Variants in NUTM2B observed in about 807,000 individuals in gnomAD.
NUTM2B encodes the protein NUT family member 2B.
In NUTM2B, 2 loss-of-function variants were observed where a neutral mutation model predicts 42.4. That is an observed-to-expected ratio of 0.05 (90% CI 0.02 to 0.15). The LOEUF is 0.15. NUTM2B is among the 10% of genes least tolerant of loss of function. The pLI, the probability that NUTM2B is intolerant of heterozygous loss-of-function variation, is 1.00. For synonymous variants in NUTM2B, 18 were observed against 402.4 expected (o/e 0.04, Z 11.43); for missense variants, 58 against 952.6 (o/e 0.06, Z 12.36).
upstream of NUTM2B, among the ~76,000 whole-genome samples, chr10:79,701,340 T>G (rs193198956): frequency 3.5e-3 from 529 of 152,126 alleles, 1 homozygote; most frequent in Admixed American, 6.5e-3. Context: ...AAGCAGCAGA[T>G]AGTAAGGGAA....
At chr10:79,696,072 C>T in the NUTM2B span, among the ~76,000 whole-genome samples, 2 of 147,106 alleles carry the variant, frequency 1.4e-5, no homozygotes, top group African/African-American at 5.0e-5. Context: ...ACATAGAATC[C>T]CCAGAATACA....
At chr10:79,701,429 A>T (rs1386294367), upstream of NUTM2B, among the ~76,000 whole-genome samples, 1 of 152,020 alleles carries the variant, frequency 6.6e-6, no homozygotes, top group African/African-American at 2.4e-5. Flanking sequence ...TAGAGAAGCA[A>T]CTCACTGACT....
upstream of NUTM2B, among the ~76,000 whole-genome samples, chr10:79,700,364 C>T (rs1840292528): frequency 6.6e-6 from 1 of 152,256 alleles, no homozygotes; most frequent in African/African-American, 2.4e-5. Context: ...TTTCTTCAAG[C>T]TTTTGCATTG....
chr10:79,700,670 C>A (rs1032029019), upstream of NUTM2B, among the ~76,000 whole-genome samples: 1 of 152,050 alleles, frequency 6.6e-6, no homozygotes, highest in Non-Finnish European at 1.5e-5. Context: ...AAGAAGGACG[C>A]CATGAGAGCG....
At chr10:79,696,514 T>C in the NUTM2B span, among the ~76,000 whole-genome samples, 9 of 151,018 alleles carry the variant, frequency 6.0e-5, no homozygotes, top group African/African-American at 2.2e-4. Context: ...ACAACTGAGA[T>C]AGGATAGGGT....
chr10:79,694,665 C>A, the NUTM2B span, among the ~76,000 whole-genome samples: 1 of 152,144 alleles, frequency 6.6e-6, no homozygotes, highest in Admixed American at 6.5e-5. Flanking sequence ...CCTGCAGGGC[C>A]AGCACCCAAC....
chr10:79,701,509 C>T (rs1372910296), upstream of NUTM2B, among the ~76,000 whole-genome samples: 2 of 151,984 alleles, frequency 1.3e-5, no homozygotes, highest in East Asian at 1.9e-4. Context: ...GGATTCCTAT[C>T]ATCTGTCTCC....
the NUTM2B span, among the ~76,000 whole-genome samples, chr10:79,696,650 G>A: frequency 5.9e-5 from 9 of 152,246 alleles, no homozygotes; most frequent in South Asian, 2.1e-4. Flanking sequence ...CCCCAAATTC[G>A]CACAAGTGCG....
chr10:79,700,839 C>T (rs1337196499), upstream of NUTM2B, among the ~76,000 whole-genome samples: 7 of 152,306 alleles, frequency 4.6e-5, no homozygotes, highest in African/African-American at 1.2e-4. Flanking sequence ...GCCAGGAGCC[C>T]GCCCTAGGAG....
chr10:79,702,400 T>C (rs1589261404), upstream of NUTM2B, among the ~76,000 whole-genome samples: 2 of 149,476 alleles, frequency 1.3e-5, no homozygotes, highest in African/African-American at 4.9e-5. Flanking sequence ...CTCATGGGGA[T>C]ATTGGACAGG....
upstream of NUTM2B, among the ~76,000 whole-genome samples, chr10:79,699,028 CA>C (rs1415955928): frequency 2.6e-5 from 4 of 152,142 alleles, no homozygotes; most frequent in African/African-American, 9.7e-5. Context: ...TGCACACGTT[CA>C]TCCTACCAGT....
the NUTM2B span, among the ~76,000 whole-genome samples, chr10:79,694,433 A>G: frequency 0.12 from 17,491 of 149,594 alleles, 1,215 homozygotes; most frequent in East Asian, 0.24. Flanking sequence ...GAAAAAAAAG[A>G]AACATGAAGC....
chr10:79,700,889 T>C (rs1429115411), upstream of NUTM2B, among the ~76,000 whole-genome samples: 1 of 152,190 alleles, frequency 6.6e-6, no homozygotes, highest in African/African-American at 2.4e-5. Flanking sequence ...ACGCGGCACC[T>C]GGGTGCTTCC....
At chr10:79,699,410 C>T (rs971589503), upstream of NUTM2B, among the ~76,000 whole-genome samples, 148 of 151,986 alleles carry the variant, frequency 9.7e-4, 10 homozygotes, top group Non-Finnish European at 1.0e-4. Context: ...TAAACTCTCA[C>T]TCCTACACAC....
At chr10:79,697,248 TG>T in the NUTM2B span, among the ~76,000 whole-genome samples, 1 of 124,520 alleles carries the variant, frequency 8.0e-6, no homozygotes, top group Admixed American at 8.8e-5. Context: ...GTGTGAACCC[TG>T]AAAGGGCTGA....
At position 79,705,375 on chromosome 10, in the gene NUTM2B, C is replaced by T. The variant is rs1377685421; in HGVS notation, c.383-667C>T. Among the ~76,000 whole-genome samples, 1,048 of 148,664 alleles carry T rather than the reference C, an allele frequency of 7.0e-3. 3 individuals carry two copies. The highest frequency in any genetic ancestry group is 0.024 in the African/African-American group (966 of 39,716). ...TGGCAGCCGGGACCATCGAGTACTG[C>T]GGAAAGGGTGGCCCGAATCTGACCC... On this transcript the variant is annotated intron_variant, in intron 1 of 6. Coordinates refer to ENST00000429828, the Ensembl canonical transcript of NUTM2B.
intron 2 of NUTM2B, among the ~76,000 whole-genome samples, chr10:79,707,236 TCGGGCCCTGCACTGGG>T (rs1840409826): frequency 7.5e-6 from 1 of 132,618 alleles, no homozygotes; most frequent in Non-Finnish European, 1.6e-5. Flanking sequence ...GGGGATGGTC[TCGGGCCCTGCACTGGG>T]GCCGATGCCG....
At chr10:79,705,632 C>T (rs574263989) in intron 1 of NUTM2B, among the ~76,000 whole-genome samples, 4 of 141,164 alleles carry the variant, frequency 2.8e-5, no homozygotes, top group Non-Finnish European at 6.1e-5. Flanking sequence ...GGCTTCCTGT[C>T]GGCCTTCTGA....
upstream of NUTM2B, among the ~76,000 whole-genome samples, chr10:79,701,789 T>C (rs1840318487): frequency 6.6e-6 from 1 of 151,486 alleles, no homozygotes; most frequent in Admixed American, 6.6e-5. Flanking sequence ...TACCTTTGGC[T>C]AATTTGACTG....
Sources: allele counts gnomAD v4.1 joint callset (sites outside exome capture counted in the v4.1 genomes callset), GRCh38; gene constraint gnomAD v4.1.1; transcripts MANE v1.5; gene names NCBI Gene and HGNC (gene_info 2026-07-23, HGNC 2026-07-21).